The following CELSR2 variants were observed in gnomAD, a reference collection of about 807,000 sequenced individuals.
CELSR2 encodes the protein cadherin EGF LAG seven-pass G-type receptor 2.
In CELSR2, 81 loss-of-function variants were observed where a neutral mutation model predicts 251.6. That is an observed-to-expected ratio of 0.32 (90% CI 0.27 to 0.39). The LOEUF is 0.39. Among genes scored for constraint, CELSR2 ranks in the 10% least tolerant of loss-of-function variants. CELSR2 has a pLI of 1.00. For synonymous variants in CELSR2, 1,721 were observed against 1,670.5 expected (o/e 1.03, Z -0.74); for missense variants, 3,365 against 3,947.7 (o/e 0.85, Z 3.96).
At chr1:109,257,589 T>G (rs559132173) in intron 1 of CELSR2, among the ~76,000 whole-genome samples, 5 of 152,082 alleles carry the variant, frequency 3.3e-5, no homozygotes, top group Non-Finnish European at 7.4e-5. Flanking sequence ...GGCATTTGGG[T>G]GTAATGGTTG....
chr1:109,268,573 C>G lies in CELSR2; in HGVS notation c.6319-8C>G, dbSNP rs1366407943. ...TGAGCACACCCACCGTGACCTTGCC[C>G]ACCCCAGAATCTGCTGCGGGTGGGC... On this transcript the variant is annotated splice_region_variant and splice_polypyrimidine_tract_variant and intron_variant, in intron 17 of 33. Transcript: ENST00000271332. 1 of 1,600,874 alleles carries G rather than the reference C, an allele frequency of 6.2e-7. No homozygotes were observed. The highest frequency in any genetic ancestry group is 8.5e-7 in the Non-Finnish European group (1 of 1,171,604).
intron 2 of CELSR2, among the ~76,000 whole-genome samples, chr1:109,259,358 C>A (rs1256176121): frequency 6.6e-6 from 1 of 152,252 alleles, no homozygotes; most frequent in African/African-American, 2.4e-5. Flanking sequence ...ATCAGCTTTG[C>A]CGCTAGTAGC....
In CELSR2 at chr1:109,252,184, T is replaced by C; in HGVS notation, c.2105T>C (p.Val702Ala). Residue 702 changes from valine to alanine, a missense_variant, in exon 1 of 34, where the codon GTC (valine) becomes GCC (alanine). This residue lies in a region of CELSR2 where 505 missense variants were observed against 660.0 expected (regional missense o/e 0.77). Transcript: ENST00000271332. This position sits in a 1 kb window ranked among gnomAD's most constrained non-coding sequence, Gnocchi z 4.8. Reference sequence around the variant, plus strand: ...GACACGGCACAGATTGTGGTGAATGTCACCGACGCCAACACCCATCGTCCT... The same window carrying C: ...GACACGGCACAGATTGTGGTGAATGCCACCGACGCCAACACCCATCGTCCT... ...RQDTAQIVVN[V>A]TDANTHRPVF... 2 of 1,613,848 alleles carry C rather than the reference T, an allele frequency of 1.2e-6. No homozygotes were observed. The highest frequency in any genetic ancestry group is 1.7e-6 in the Non-Finnish European group (2 of 1,180,024).
Position 109,264,113 on chromosome 1 carries a change from C to T in CELSR2, c.5037C>T (p.Gly1679=), listed in dbSNP as rs372288648. The change falls in exon 10 of 34, where the codon GGC becomes GGT. Residue 1679 remains glycine (G), a synonymous_variant. Transcript: ENST00000271332. ...GCCACGTGATGCTGAGCGTGGAGGGCACAGGGCTTCAGGCCTCCTCTCTCC... is the reference window on the plus strand; with the variant it reads ...GCCACGTGATGCTGAGCGTGGAGGGTACAGGGCTTCAGGCCTCCTCTCTCC... ...REGHVMLSVE[G]TGLQASSLRL... is the part of the protein sequence containing the mutation. 2.0e-5 allele frequency: 32 copies of T among 1,598,056 alleles called. No individual in the cohort carries two copies. The African/African-American group carries it at 4.1e-4, about 21-fold the overall frequency.
At chr1:109,262,206 G>C (rs1321483828) in intron 5 of CELSR2, 81 bp from the exon 6 acceptor site, 33 of 1,548,140 alleles carry the variant, frequency 2.1e-5, no homozygotes, top group Non-Finnish European at 2.5e-5. Flanking sequence ...GGTGCACACA[G>C]AGGCACCCAG....
rs767449979 is a variant in CELSR2, at chr1:109,261,226, C to T, written c.4143C>T (p.Arg1381=). ...CCGCCCACTCCTTCATCACCTTTCG[C>T]GGCCTGCGCCAGCGTTTCCACTTCA... ...SFPAHSFITF[R]GLRQRFHFTL... is the part of the protein sequence containing the mutation. The change falls in exon 3 of 34, where the codon CGC becomes CGT. Residue 1381 remains arginine, a synonymous_variant. Coordinates refer to ENST00000271332, the MANE Select transcript of CELSR2 (RefSeq NM_001408.3). The surrounding 1 kb of genome is among the most constrained non-coding windows in gnomAD (Gnocchi z 4.8). The T allele has an allele frequency of 1.7e-5, 27 of 1,613,762 alleles. No homozygotes were observed. The highest frequency in any genetic ancestry group is 2.7e-5 in the African/African-American group (2 of 74,928).
chr1:109,268,332 A>T (rs543205555), intron 17 of CELSR2, among the ~76,000 whole-genome samples: 1 of 152,160 alleles, frequency 6.6e-6, no homozygotes, highest in African/African-American at 2.4e-5. Flanking sequence ...ATCTCAGGAC[A>T]TGTGTGTGGG....
chr1:109,262,954 A>G lies in CELSR2; in HGVS notation c.4693A>G (p.Asn1565Asp), dbSNP rs1382950368. The G allele has an allele frequency of 5.6e-6, 9 of 1,613,240 alleles. No individual in the cohort carries two copies. Among genetic ancestry groups the G allele is most frequent in the Non-Finnish European group, 7.6e-6 (9 of 1,179,538 alleles). The change falls in exon 7 of 34, where the codon AAT (asparagine) becomes GAT (aspartate). Residue 1565 changes from asparagine to aspartate, a missense_variant. Asn to Asp is a conservative substitution (Grantham distance 23, BLOSUM62 1). This residue lies in a region of CELSR2 where 2,093 missense variants were observed against 2,382.8 expected (regional missense o/e 0.88). Transcript: ENST00000271332. ...HIDMADFIAN[N>D]GTVPGCPAKK... ...AGACATGGCTGACTTCATTGCCAACAATGGCACCGTGCCTGGTATGGGGGC... is the reference window on the plus strand; with the variant it reads ...AGACATGGCTGACTTCATTGCCAACGATGGCACCGTGCCTGGTATGGGGGC...
At position 109,252,782 on chromosome 1, in the gene CELSR2, C is replaced by T. The variant is rs1185634764; in HGVS notation, c.2703C>T (p.Ala901=). 1.2e-6 allele frequency: 2 copies of T among 1,614,016 alleles called. No individual in the cohort carries two copies. The highest frequency in any genetic ancestry group is 2.2e-5 in the South Asian group (2 of 91,086). The change falls in exon 1 of 34, where the codon GCC becomes GCT. Residue 901 remains alanine, a synonymous_variant. Transcript: ENST00000271332. The surrounding 1 kb of genome is among the most constrained non-coding windows in gnomAD (Gnocchi z 4.8). ...AYAVDKGMPP[A]RTPMEVTVTV... ...CAGTGGACAAGGGGATGCCCCCAGCCCGCACACCTATGGAAGTGACAGTCA... is the reference window on the plus strand; with the variant it reads ...CAGTGGACAAGGGGATGCCCCCAGCTCGCACACCTATGGAAGTGACAGTCA...
chr1:109,273,857 CCTA>C (rs764063170), intron 33 of CELSR2, 162 bp from the exon 34 acceptor site: 7 of 1,132,208 alleles, frequency 6.2e-6, no homozygotes, highest in Middle Eastern at 2.0e-4. Flanking sequence ...GGCCACCCCT[CCTA>C]GGCTCTACGC....
chr1:109,262,662 G>T (rs1656051475), intron 6 of CELSR2, 144 bp from the exon 7 acceptor site: 5 of 1,401,992 alleles, frequency 3.6e-6, no homozygotes, highest in Non-Finnish European at 2.9e-6. Flanking sequence ...TCCAGGTAGG[G>T]GTGACGCCCT....
At position 109,261,721 on chromosome 1, in the gene CELSR2, C is replaced by G. The variant is rs539933914; in HGVS notation, c.4298-87C>G. On this transcript the variant is annotated intron_variant, in intron 4 of 33. Coordinates refer to ENST00000271332, the MANE Select transcript of CELSR2 (RefSeq NM_001408.3). The surrounding 1 kb of genome is among the most constrained non-coding windows in gnomAD (Gnocchi z 4.8). ...AAGCCACATACTCTATCAGCCAAAT[C>G]TGGGCCCAGCCCCAGCCACTGGCAC... is the stretch of plus-strand genomic sequence containing the variant. The G allele has an allele frequency of 4.7e-5, 72 of 1,544,076 alleles. No homozygotes were observed. The South Asian group carries it at 7.7e-4, about 17-fold the overall frequency.
rs760390683 is a variant in CELSR2 at position 109,262,338 on chromosome 1, G to A, written c.4438G>A (p.Ala1480Thr). ...LPQGPSEQKVAVVTVDGCDTG... is the reference protein window; with the variant it reads ...LPQGPSEQKVTVVTVDGCDTG... ...ACAGGGCCCATCAGAGCAGAAGGTG[G>A]CTGTGGTGACCGTGGATGGCTGTGA... Residue 1480 changes from alanine (A) to threonine (T), a missense_variant, in exon 6 of 34, where the codon GCT becomes ACT. By Grantham distance (58) the Ala-to-Thr change is moderately conservative (BLOSUM62 0). This residue lies in a region of CELSR2 where 2,093 missense variants were observed against 2,382.8 expected (regional missense o/e 0.88). Coordinates refer to ENST00000271332, the MANE Select transcript of CELSR2 (RefSeq NM_001408.3). 3.7e-6 allele frequency: 6 copies of A among 1,614,212 alleles called. No homozygotes were observed. Among genetic ancestry groups the A allele is most frequent in the Non-Finnish European group, 5.1e-6 (6 of 1,180,042 alleles).
In CELSR2 at chr1:109,268,887, C is replaced by T. The variant is rs142255122; in HGVS notation, c.6510C>T (p.Ser2170=). The T allele has an allele frequency of 1.2e-3, 1,887 of 1,609,442 alleles. 4 individuals carry two copies. The highest frequency in any genetic ancestry group is 1.4e-3 in the Non-Finnish European group (1,645 of 1,176,578). ...FTIVTPNIVI[S]VVRLDKGNFA... is the part of the protein sequence containing the mutation. Reference sequence around the variant, plus strand: ...GACCATCCCCTTCCTTAGTCATCTCCGTAGTGCGCTTGGACAAAGGGAACT... The same window carrying T: ...GACCATCCCCTTCCTTAGTCATCTCTGTAGTGCGCTTGGACAAAGGGAACT... Residue 2170 remains serine (S), a synonymous_variant, in exon 19 of 34, where the codon TCC becomes TCT. Transcript: ENST00000271332.
rs768921124 is a variant in CELSR2, at chr1:109,271,382, C to T, written c.7677-4C>T. The T allele has an allele frequency of 1.9e-6, 3 of 1,612,674 alleles. No individual in the cohort carries two copies. Among genetic ancestry groups the T allele is most frequent in the Middle Eastern group, 1.7e-4 (1 of 6,040 alleles). On this transcript the variant is annotated splice_region_variant and splice_polypyrimidine_tract_variant and intron_variant, in intron 26 of 33. Coordinates refer to ENST00000271332, the MANE Select transcript of CELSR2 (RefSeq NM_001408.3). ...CCGGACTCATGGCCTGTCCCTATCC[C>T]CAGCTCGGGCCTGCAGCCCTCCTTC... is the stretch of plus-strand genomic sequence containing the variant.
rs918455665 is a variant in CELSR2, at chr1:109,269,612, C to T, written c.6980+21C>T. ...ATCCTGTGAGCCTGCACTGCCCTCGCCCCCTCAGGCTTCGGGCTGAAAGTC... is the reference window on the plus strand; with the variant it reads ...ATCCTGTGAGCCTGCACTGCCCTCGTCCCCTCAGGCTTCGGGCTGAAAGTC... On this transcript the variant is annotated intron_variant, in intron 21 of 33. Coordinates refer to ENST00000271332, the MANE Select transcript of CELSR2 (RefSeq NM_001408.3). This position sits in a 1 kb window ranked among gnomAD's most constrained non-coding sequence, Gnocchi z 6.4. The T allele has an allele frequency of 2.5e-6, 4 of 1,612,856 alleles. No individual in the cohort carries two copies. Among genetic ancestry groups the T allele is most frequent in the Non-Finnish European group, 3.4e-6 (4 of 1,179,496 alleles).
At position 109,261,405 on chromosome 1, in the gene CELSR2, C is replaced by G; in HGVS notation, c.4182-108C>G. On this transcript the variant is annotated intron_variant, in intron 3 of 33. Transcript: ENST00000271332. The surrounding 1 kb of genome is among the most constrained non-coding windows in gnomAD (Gnocchi z 4.8). ...GAGCCAGGTCTGCTCTTGGAGTTGC[C>G]TGTGGTTCTGCCAGCAGATCTCCCT... The G allele has an allele frequency of 7.4e-7, 1 of 1,353,652 alleles. No homozygotes were observed. The allele number at this position is 1,353,652 out of a possible 1,614,324, so 83.9% of individuals were successfully genotyped here.
At position 109,251,071 on chromosome 1, in the gene CELSR2, G is replaced by T. The variant is rs1261626384; in HGVS notation, c.992G>T (p.Gly331Val). 2 of 1,613,482 alleles carry T rather than the reference G, an allele frequency of 1.2e-6. No homozygotes were observed. Among genetic ancestry groups the T allele is most frequent in the East Asian group, 4.5e-5 (2 of 44,874 alleles). Residue 331 changes from glycine to valine, a missense_variant, in exon 1 of 34, where the codon GGG (glycine) becomes GTG (valine). By Grantham distance (109) the Gly-to-Val change is moderately radical (BLOSUM62 -3). This residue lies in a region of CELSR2 where 704 missense variants were observed against 784.1 expected (regional missense o/e 0.90). Transcript: ENST00000271332. The surrounding 1 kb of genome is among the most constrained non-coding windows in gnomAD (Gnocchi z 4.9). ...NANILYRLLE[G>V]SGGSPSEVFE... ...AATATTCTGTACCGCCTGCTGGAGG[G>T]GTCTGGGGGCAGCCCCTCTGAAGTC...
In CELSR2 at chr1:109,252,790, CTATGGAAGTGACAGTCACTGTGTTGGA is replaced by C. The variant is rs1420269459; in HGVS notation, c.2713_2739del (p.Met905_Asp913del). 6.2e-7 allele frequency: 1 copy of C among 1,614,032 alleles called. No individual in the cohort carries two copies. On this transcript the variant is annotated inframe_deletion, in exon 1 of 34. Transcript: ENST00000271332. This position sits in a 1 kb window ranked among gnomAD's most constrained non-coding sequence, Gnocchi z 4.8. ...AAGGGGATGCCCCCAGCCCGCACACCTATGGAAGTGACAGTCACTGTGTTGGATGTGAATGACAATCCCCCTGTCTTT... is the reference window on the plus strand; with the variant it reads ...AAGGGGATGCCCCCAGCCCGCACACCTGTGAATGACAATCCCCCTGTCTTT...
Sources: gnomAD v4.1 joint callset for allele counts (sites outside exome capture counted in the v4.1 genomes callset) on GRCh38, gnomAD v4.1.1 for gene constraint, gnomAD v4.1.1 regional missense constraint, Gnocchi (gnomAD v3.1) non-coding constraint, MANE v1.5 for transcripts, NCBI Gene and HGNC (gene_info 2026-07-23, HGNC 2026-07-21) for gene names.